CORIN: variants seen among roughly 807,000 people sequenced by gnomAD.
CORIN encodes the protein corin, serine peptidase.
A neutral mutation model predicts 125.3 loss-of-function variants in CORIN; 117 were observed. The ratio of observed to expected loss-of-function variants is 0.93; its 90% CI spans 0.80 to 1.09. The LOEUF is 1.09. CORIN is among the 50% of genes least tolerant of loss of function. The pLI is 0.00. For missense variants in CORIN, 1,253 were observed against 1,306.7 expected, an observed-to-expected ratio of 0.96 and a Z score of 0.63; for synonymous variants, 450 against 466.4, an observed-to-expected ratio of 0.96 and a Z score of 0.45.
At position 47,779,740 on chromosome 4, in the gene CORIN, G is replaced by A. The variant is rs539885822; in HGVS notation, c.409+6985C>T. Among the ~76,000 whole-genome samples, 8 of 152,098 alleles carry A rather than the reference G, an allele frequency of 5.3e-5. No homozygotes were observed. In the South Asian group the frequency reaches 1.7e-3, roughly 32 times the overall value. On this transcript the variant is annotated intron_variant, in intron 3 of 21. Coordinates refer to ENST00000273857, the MANE Select transcript of CORIN (RefSeq NM_006587.4). ...TGTGAGCCACCGTGCCTGGCCAGCT[G>A]TATATTCTTGTAGAGCTCATGTTAA... is the stretch of plus-strand genomic sequence containing the variant.
chr4:47,605,830 C>T (rs763131809), intron 19 of CORIN, among the ~76,000 whole-genome samples: 14 of 152,036 alleles, frequency 9.2e-5, no homozygotes, highest in Non-Finnish European at 1.8e-4. Context: ...TTTCTTGGCA[C>T]GCCTTTCTTT....
intron 5 of CORIN, among the ~76,000 whole-genome samples, chr4:47,700,689 C>T (rs1272622517): frequency 6.6e-6 from 1 of 152,182 alleles, no homozygotes; most frequent in Non-Finnish European, 1.5e-5. Context: ...CCATGGTCCC[C>T]AGGGTCCAGC....
intron 16 of CORIN, among the ~76,000 whole-genome samples, chr4:47,635,727 T>C (rs931181281): frequency 4.6e-5 from 7 of 152,208 alleles, no homozygotes; most frequent in African/African-American, 1.7e-4. Flanking sequence ...TGCATGTTGG[T>C]AATATTATTG....
At chr4:47,660,833 C>A (rs988062612) in intron 12 of CORIN, among the ~76,000 whole-genome samples, 4 of 152,098 alleles carry the variant, frequency 2.6e-5, no homozygotes, top group Admixed American at 2.0e-4. Flanking sequence ...TAGGTATATA[C>A]CTAAAAGAAA....
At chr4:47,764,047 G>C (rs1729594278) in intron 3 of CORIN, among the ~76,000 whole-genome samples, 1 of 152,084 alleles carries the variant, frequency 6.6e-6, no homozygotes, top group Non-Finnish European at 1.5e-5. Context: ...TTAAAAGATA[G>C]AAATCATCTA....
chr4:47,823,026 G>A (rs904933473), intron 1 of CORIN, among the ~76,000 whole-genome samples: 1 of 152,104 alleles, frequency 6.6e-6, no homozygotes, highest in Admixed American at 6.6e-5. Context: ...TATTGGCCAG[G>A]ATGGTCTCAA....
At chr4:47,600,739 T>C (rs1721419208) in intron 20 of CORIN, among the ~76,000 whole-genome samples, 1 of 152,148 alleles carries the variant, frequency 6.6e-6, no homozygotes. Context: ...AGCATGATAG[T>C]CCTGCTCTGC....
intron 5 of CORIN, among the ~76,000 whole-genome samples, chr4:47,728,360 T>C (rs146575806): frequency 4.6e-4 from 70 of 152,270 alleles, no homozygotes; most frequent in African/African-American, 1.7e-3. Flanking sequence ...CCCAGGAATT[T>C]TGGGAAACAA....
intron 3 of CORIN, among the ~76,000 whole-genome samples, chr4:47,765,312 C>CCA (rs1729677877): frequency 2.8e-5 from 4 of 144,020 alleles, no homozygotes; most frequent in Non-Finnish European, 4.6e-5. Flanking sequence ...CTCCGTCCCC[C>CCA]AAAAAAAAAA....
At chr4:47,745,445 C>T (rs1728619387) in intron 4 of CORIN, among the ~76,000 whole-genome samples, 1 of 152,234 alleles carries the variant, frequency 6.6e-6, no homozygotes, top group Non-Finnish European at 1.5e-5. Context: ...TCAAAGCATA[C>T]ACTTCACAAA....
intron 17 of CORIN, among the ~76,000 whole-genome samples, chr4:47,624,850 T>C (rs1722485229): frequency 1.3e-5 from 2 of 151,550 alleles, no homozygotes; most frequent in Non-Finnish European, 1.5e-5. Flanking sequence ...AATACTATGA[T>C]GTACTTAGAA....
chr4:47,720,833 A>G (rs1188845728), intron 5 of CORIN, among the ~76,000 whole-genome samples: 4 of 152,220 alleles, frequency 2.6e-5, no homozygotes, highest in Non-Finnish European at 5.9e-5. Context: ...TGTGTACACT[A>G]TGTTTATGAC....
chr4:47,691,314 T>C (rs561553576), intron 6 of CORIN, among the ~76,000 whole-genome samples: 58 of 152,356 alleles, frequency 3.8e-4, no homozygotes, highest in Non-Finnish European at 6.5e-4. Flanking sequence ...TATCGTTACA[T>C]TGAATTATTT....
At chr4:47,706,934 C>T (rs1274218499) in intron 5 of CORIN, 5 of 1,599,410 alleles carry the variant, frequency 3.1e-6, no homozygotes, top group Middle Eastern at 2.0e-4. Flanking sequence ...TTGTGGTTCT[C>T]GCCGGGCAGC....
intron 11 of CORIN, among the ~76,000 whole-genome samples, chr4:47,662,728 A>T (rs1308495395): frequency 6.6e-6 from 1 of 152,168 alleles, no homozygotes; most frequent in African/African-American, 2.4e-5. Context: ...ACACTAATTC[A>T]ACTAAGTTCT....
chr4:47,610,011 GC>G (rs1170085568), intron 19 of CORIN, among the ~76,000 whole-genome samples: 1 of 152,180 alleles, frequency 6.6e-6, no homozygotes, highest in African/African-American at 2.4e-5. Flanking sequence ...TCATCGATGG[GC>G]ATTTGGGTTG....
At chr4:47,732,166 C>T (rs547204699) in intron 5 of CORIN, among the ~76,000 whole-genome samples, 1 of 152,184 alleles carries the variant, frequency 6.6e-6, no homozygotes, top group Non-Finnish European at 1.5e-5. Context: ...AAATAGTATC[C>T]TGTGGAATAT....
At chr4:47,751,393 T>C (rs1472003897) in intron 4 of CORIN, among the ~76,000 whole-genome samples, 1 of 152,202 alleles carries the variant, frequency 6.6e-6, no homozygotes, top group African/African-American at 2.4e-5. Context: ...TAGACATTCA[T>C]ATGCAAATAA....
At chr4:47,810,189 G>GTGTTT (rs1226952933) in intron 1 of CORIN, among the ~76,000 whole-genome samples, 7 of 151,770 alleles carry the variant, frequency 4.6e-5, no homozygotes, top group Admixed American at 4.6e-4. Flanking sequence ...TTTGTTTTTG[G>GTGTTT]TGTTTTGTTT....
Sources: allele counts gnomAD v4.1 joint callset (sites outside exome capture counted in the v4.1 genomes callset), GRCh38; gene constraint gnomAD v4.1.1; transcripts MANE v1.5; gene names NCBI Gene and HGNC (gene_info 2026-07-23, HGNC 2026-07-21).